Variants in RBFOX1 observed in about 807,000 individuals in gnomAD.
The protein encoded by RBFOX1 is RNA binding fox-1 homolog 1, also known as RNA binding protein fox-1 homolog 1.
RBFOX1 carries 8 observed loss-of-function variants against 57.7 expected under a neutral mutation model. That is an observed-to-expected ratio of 0.14 (90% CI 0.08 to 0.25). The LOEUF (loss-of-function observed/expected upper bound fraction) is 0.25. Among genes scored for constraint, RBFOX1 ranks in the 10% least tolerant of loss-of-function variants. RBFOX1 has a pLI of 1.00. For missense variants in RBFOX1, 611 were observed against 548.5 expected, an observed-to-expected ratio of 1.11 and a Z score of -1.14; for synonymous variants, 326 against 222.4, an observed-to-expected ratio of 1.47 and a Z score of -4.15.
chr16:6,680,416 C>T (rs1484788440), intron 3 of RBFOX1, among the ~76,000 whole-genome samples: 2 of 151,908 alleles, frequency 1.3e-5, no homozygotes, highest in Non-Finnish European at 2.9e-5. Context: ...GCACCTGCCA[C>T]CACACCTGGC....
chr16:6,331,936 CT>C (rs2083085692), intron 2 of RBFOX1, among the ~76,000 whole-genome samples: 1 of 152,112 alleles, frequency 6.6e-6, no homozygotes, highest in Non-Finnish European at 1.5e-5. Context: ...ACATAAGTTT[CT>C]CATGCATGAG....
chr16:7,309,270 A>G (rs1046703594), intron 4 of RBFOX1, among the ~76,000 whole-genome samples: 1 of 152,234 alleles, frequency 6.6e-6, no homozygotes, highest in African/African-American at 2.4e-5. Context: ...CCCACATTTC[A>G]GGTGAGCTGG....
intron 3 of RBFOX1, among the ~76,000 whole-genome samples, chr16:5,853,588 A>T (rs994472648): frequency 6.6e-6 from 1 of 152,200 alleles, no homozygotes; most frequent in African/African-American, 2.4e-5. Context: ...GGCAACAAGC[A>T]TCCTTTCCTT....
intron 5 of RBFOX1, among the ~76,000 whole-genome samples, chr16:7,526,532 A>G (rs2078749202): frequency 6.6e-6 from 1 of 152,182 alleles, no homozygotes; most frequent in South Asian, 2.1e-4. Context: ...CTAAACAACT[A>G]TCAGACGATG....
chr16:5,517,296 A>T (rs1377239139), intron 2 of RBFOX1, among the ~76,000 whole-genome samples: 1 of 152,132 alleles, frequency 6.6e-6, no homozygotes, highest in Non-Finnish European at 1.5e-5. Context: ...GCCCCTTCTC[A>T]GGGGCTGTGT....
chr16:7,403,358 G>C (rs2098276458), intron 4 of RBFOX1, among the ~76,000 whole-genome samples: 1 of 152,066 alleles, frequency 6.6e-6, no homozygotes, highest in South Asian at 2.1e-4. Context: ...CTGAAATTTT[G>C]TATTCTTTGA....
intron 3 of RBFOX1, among the ~76,000 whole-genome samples, chr16:5,745,058 A>T (rs2151602038): frequency 6.6e-6 from 1 of 152,232 alleles, no homozygotes; most frequent in African/African-American, 2.4e-5. Context: ...CTTGTCATTT[A>T]CATTAGGTAT....
chr16:5,698,008 C>T (rs2050903150), intron 3 of RBFOX1, among the ~76,000 whole-genome samples: 1 of 152,134 alleles, frequency 6.6e-6, no homozygotes, highest in African/African-American at 2.4e-5. Context: ...TGCTCTCCCC[C>T]TTAATCTTTT....
chr16:7,474,003 C>A (rs1301821442), intron 4 of RBFOX1, among the ~76,000 whole-genome samples: 1 of 151,996 alleles, frequency 6.6e-6, no homozygotes. Flanking sequence ...AAAAACAGCC[C>A]CCCGGCCGGG....
chr16:5,941,912 G>C (rs781192650), intron 4 of RBFOX1, among the ~76,000 whole-genome samples: 23 of 151,390 alleles, frequency 1.5e-4, no homozygotes, highest in Non-Finnish European at 1.5e-4. Context: ...AAATGTACCT[G>C]GTATGAACTT....
intron 4 of RBFOX1, among the ~76,000 whole-genome samples, chr16:7,375,782 C>G (rs1033099660): frequency 2.6e-5 from 4 of 152,084 alleles, no homozygotes; most frequent in African/African-American, 9.7e-5. Flanking sequence ...TCTCTCTCCC[C>G]CCATGCTTTA....
At chr16:7,331,757 G>C (rs1043833420) in intron 4 of RBFOX1, among the ~76,000 whole-genome samples, 1 of 152,112 alleles carries the variant, frequency 6.6e-6, no homozygotes, top group Non-Finnish European at 1.5e-5. Context: ...CACACAGCTA[G>C]TGATTATACT....
intron 10 of RBFOX1, among the ~76,000 whole-genome samples, chr16:7,615,677 G>A (rs758336097): frequency 1.6e-4 from 24 of 152,050 alleles, no homozygotes; most frequent in African/African-American, 5.8e-4. Flanking sequence ...GGGGAATTTG[G>A]CAATTTCTGG....
chr16:6,894,557 A>G (rs190389347), intron 3 of RBFOX1, among the ~76,000 whole-genome samples: 3 of 152,144 alleles, frequency 2.0e-5, no homozygotes, highest in Admixed American at 2.0e-4. Flanking sequence ...TACCCCCAAA[A>G]CAAGAAGTAT....
At chr16:7,017,024 T>A (rs2093950289) in intron 3 of RBFOX1, among the ~76,000 whole-genome samples, 2 of 152,196 alleles carry the variant, frequency 1.3e-5, no homozygotes, top group Non-Finnish European at 2.9e-5. Flanking sequence ...TCATGACTTT[T>A]GGCTTCATCC....
At chr16:7,213,065 G>C (rs1232312816) in intron 4 of RBFOX1, among the ~76,000 whole-genome samples, 1 of 152,198 alleles carries the variant, frequency 6.6e-6, no homozygotes, top group Admixed American at 6.5e-5. Flanking sequence ...GAAAGCCAGA[G>C]ATTGGAATAG....
chr16:7,387,200 C>T (rs1161830017), intron 4 of RBFOX1, among the ~76,000 whole-genome samples: 1 of 152,116 alleles, frequency 6.6e-6, no homozygotes, highest in South Asian at 2.1e-4. Flanking sequence ...TTTTTGAGTG[C>T]TTGCCACACA....
At chr16:7,227,493 T>A (rs1195408611) in intron 4 of RBFOX1, among the ~76,000 whole-genome samples, 1 of 152,194 alleles carries the variant, frequency 6.6e-6, no homozygotes, top group Non-Finnish European at 1.5e-5. Context: ...TTTATCTAAC[T>A]GTCTCTACTG....
At chr16:5,626,629 T>G (rs115459326) in intron 3 of RBFOX1, among the ~76,000 whole-genome samples, 2,874 of 152,256 alleles carry the variant, frequency 0.019, 88 homozygotes, top group African/African-American at 0.064. Flanking sequence ...TCTCCCGCCA[T>G]GGGAATAAGG....
Sources: gnomAD v4.1 joint callset for allele counts (sites outside exome capture counted in the v4.1 genomes callset) on GRCh38, gnomAD v4.1.1 for gene constraint, MANE v1.5 for transcripts, NCBI Gene and HGNC (gene_info 2026-07-23, HGNC 2026-07-21) for gene names.